Variants in STKLD1 observed in about 807,000 individuals in gnomAD.
STKLD1 encodes serine/threonine kinase-like domain-containing protein STKLD1.
In STKLD1, 79 loss-of-function variants were observed where a neutral mutation model predicts 80.4. That is an observed-to-expected ratio of 0.98 (90% CI 0.82 to 1.19). STKLD1 has a LOEUF of 1.19. Among genes scored for constraint, STKLD1 ranks in the 50% most tolerant of loss-of-function variants. STKLD1 has a pLI of 0.00. For missense variants in STKLD1, 841 were observed against 856.0 expected (o/e 0.98, Z 0.22); for synonymous variants, 393 against 357.6 (o/e 1.10, Z -1.12).
chr9:133,405,660 G>T lies in STKLD1; in HGVS notation c.*239G>T. 1 of 409,064 alleles carries T rather than the reference G, an allele frequency of 2.4e-6. No homozygotes were observed. Among genetic ancestry groups the T allele is most frequent in the Non-Finnish European group, 4.3e-6 (1 of 231,964 alleles). The allele number at this position is 409,064 out of a possible 1,614,324, so 25.3% of individuals were successfully genotyped here. A position where few individuals can be genotyped will look rare whatever the true frequency, so the allele number is the denominator to read the frequency against. ...TGCCTGCTTCCTCCTTCCAGGAACT[G>T]GTTTCTTGCGCGGAAAAAGTGCTCT... On this transcript the variant is annotated 3_prime_UTR_variant, in exon 18 of 18. Transcript: ENST00000371957.
chr9:133,389,959 A>C lies in STKLD1; in HGVS notation c.467+363A>C, dbSNP rs2130285476. ...TGAGCCTTTGACCCCCAGCGGCACA[A>C]CTTTCAGGCTGGAGAATCCATGGTC... On this transcript the variant is annotated intron_variant, in intron 6 of 17. Transcript: ENST00000371957. The surrounding 1 kb of genome is among the most constrained non-coding windows in gnomAD (Gnocchi z 6.4). 3.9e-5 allele frequency among the ~76,000 whole-genome samples: 6 copies of C among 152,294 alleles called. No individual in the cohort carries two copies. The highest frequency in any genetic ancestry group is 1.4e-4 in the African/African-American group (6 of 41,570).
intron 2 of STKLD1, among the ~76,000 whole-genome samples, 176 bp from the exon 3 acceptor site, chr9:133,383,677 GTGA>G (rs1241464145): frequency 3.7e-5 from 5 of 134,758 alleles, no homozygotes; most frequent in African/African-American, 1.4e-4. Flanking sequence ...GATGGTGATG[GTGA>G]TGATGGTGAC....
chr9:133,383,247 T>TGATGGCAGTGATGATGAA (rs1838183499), intron 2 of STKLD1, among the ~76,000 whole-genome samples: 1 of 36,930 alleles, frequency 2.7e-5, no homozygotes, highest in Non-Finnish European at 5.9e-5. Flanking sequence ...ATGATGGTGA[T>TGATGGCAGTGATGATGAA]GGTGGTGGTG....
chr9:133,397,119 A>AG, intron 9 of STKLD1, 45 bp from the exon 10 acceptor site: 2 of 1,610,790 alleles, frequency 1.2e-6, no homozygotes, highest in Non-Finnish European at 1.7e-6. Context: ...GGGAGGTGGC[A>AG]GGGGGCGCTG....
rs1330675736 is a variant in STKLD1, at chr9:133,385,230, C to G, written c.220-387C>G. Reference sequence around the variant, plus strand: ...GCACTTTCCGCCAGGGCAGGGGCACCGGGACCTCTCCGTGTGCCCACCTCC... The same window carrying G: ...GCACTTTCCGCCAGGGCAGGGGCACGGGGACCTCTCCGTGTGCCCACCTCC... On this transcript the variant is annotated intron_variant, in intron 3 of 17. Transcript: ENST00000371957. The surrounding 1 kb of genome is among the most constrained non-coding windows in gnomAD (Gnocchi z 4.9). Among the ~76,000 whole-genome samples, 3 of 152,164 alleles carry G rather than the reference C, an allele frequency of 2.0e-5. No individual in the cohort carries two copies. The highest frequency in any genetic ancestry group is 4.4e-5 in the Non-Finnish European group (3 of 68,020).
chr9:133,401,709 C>T (rs781921916), intron 12 of STKLD1, 29 bp from the exon 13 acceptor site: 4 of 1,601,894 alleles, frequency 2.5e-6, no homozygotes, highest in Admixed American at 1.7e-5. Flanking sequence ...GTGGGGCTAA[C>T]CCCAGGCGTC....
chr9:133,395,954 G>A (rs893800667), intron 9 of STKLD1, 191 bp downstream of exon 9: 18 of 590,484 alleles, frequency 3.0e-5, no homozygotes, highest in African/African-American at 2.4e-4. Context: ...GAGTAATCCC[G>A]AATGTACGGT....
intron 9 of STKLD1, 95 bp from the exon 10 acceptor site, chr9:133,397,069 A>G (rs587598038): frequency 2.6e-6 from 4 of 1,562,612 alleles, no homozygotes; most frequent in Admixed American, 3.5e-5. Context: ...GTCCGCACCA[A>G]TGGGCAGCCC....
rs1838289857 is a variant in STKLD1, at chr9:133,387,446, G to C, written c.295-1G>C. The C allele has an allele frequency of 6.2e-7, 1 of 1,613,774 alleles. No individual in the cohort carries two copies. The highest frequency in any genetic ancestry group is 1.3e-5 in the African/African-American group (1 of 75,052). ...TGGCTAAGGGCCTCCTGTCCCAGCAGATCTCTTCTCTGTACCTCTGCCTGG... is the reference window on the plus strand; with the variant it reads ...TGGCTAAGGGCCTCCTGTCCCAGCACATCTCTTCTCTGTACCTCTGCCTGG... On this transcript the variant is annotated splice_acceptor_variant, in intron 4 of 17. Transcript: ENST00000371957. LOFTEE classifies it high-confidence loss of function.
intron 12 of STKLD1, among the ~76,000 whole-genome samples, chr9:133,400,751 G>A (rs1012477664): frequency 6.6e-6 from 1 of 152,210 alleles, no homozygotes; most frequent in Non-Finnish European, 1.5e-5. Context: ...CCACCTGGTT[G>A]GCATCTAACC....
In STKLD1 at chr9:133,384,256, T is replaced by C; in HGVS notation, c.219+356T>C. ...GAGTTCAAGACCAGCCTAGCCAACA[T>C]GGGGAAACCCTGTCTCAACCAAAAA... is the stretch of plus-strand genomic sequence containing the variant. On this transcript the variant is annotated intron_variant, in intron 3 of 17. Coordinates refer to ENST00000371957, the MANE Select transcript of STKLD1 (RefSeq NM_153710.5). This position sits in a 1 kb window ranked among gnomAD's most constrained non-coding sequence, Gnocchi z 4.3. The C allele has an allele frequency of 4.9e-6, 1 of 204,840 alleles. No homozygotes were observed. The highest frequency in any genetic ancestry group is 5.4e-5 in the Admixed American group (1 of 18,608). 12.7% of individuals were successfully genotyped at this position (204,840 alleles called of 1,614,324 possible). A position where few individuals can be genotyped will look rare whatever the true frequency, so the allele number is the denominator to read the frequency against.
At chr9:133,376,597 T>TG in intron 1 of STKLD1, 37 bp downstream of exon 1, 1 of 1,532,680 alleles carries the variant, frequency 6.5e-7, no homozygotes, top group Non-Finnish European at 8.8e-7. Flanking sequence ...GGGAGCTCCG[T>TG]GGGGTAACGG....
chr9:133,388,770 C>T (rs1291757919), intron 5 of STKLD1: 1 of 985,300 alleles, frequency 1.0e-6, no homozygotes, highest in East Asian at 1.1e-4. Flanking sequence ...TGCTTTTACC[C>T]TGAGAACTGT....
At chr9:133,380,181 A>G (rs1402600537) in intron 2 of STKLD1, among the ~76,000 whole-genome samples, 1 of 152,096 alleles carries the variant, frequency 6.6e-6, no homozygotes. Context: ...GACTACAGGC[A>G]CACGCTGCCA....
Position 133,405,494 on chromosome 9 carries a change from C to T in STKLD1, c.*73C>T. ...ACTGCTCTCCTGCCTGCCTATTATC[C>T]CATCTCTATGACTGGGCCAAAATCA... On this transcript the variant is annotated 3_prime_UTR_variant, in exon 18 of 18. Coordinates refer to ENST00000371957, the MANE Select transcript of STKLD1 (RefSeq NM_153710.5). The T allele has an allele frequency of 2.7e-6, 4 of 1,464,264 alleles. No individual in the cohort carries two copies. The South Asian group carries it at 5.3e-5, about 19-fold the overall frequency. 90.7% of individuals were successfully genotyped at this position (1,464,264 alleles called of 1,614,324 possible).
rs200615951 is a variant in STKLD1, at chr9:133,401,911, C to G, written c.1339+33C>G. 2.5e-6 allele frequency: 4 copies of G among 1,608,778 alleles called. No individual in the cohort carries two copies. The East Asian group carries it at 8.9e-5, about 36-fold the overall frequency. On this transcript the variant is annotated intron_variant, in intron 13 of 17. Transcript: ENST00000371957. Reference sequence around the variant, plus strand: ...TGCCAGCCACCTCCTGCCCCACCCACGCTCCAGGACAGCCCTTCCCAGGGG... The same window carrying G: ...TGCCAGCCACCTCCTGCCCCACCCAGGCTCCAGGACAGCCCTTCCCAGGGG...
chr9:133,378,903 G>A (rs1838068218), intron 1 of STKLD1, 133 bp from the exon 2 acceptor site: 2 of 699,912 alleles, frequency 2.9e-6, no homozygotes, highest in Admixed American at 2.9e-5. Flanking sequence ...TCTATTGCAA[G>A]ATGGGGTGGA....
chr9:133,376,575 C>T lies in STKLD1; in HGVS notation c.87+15C>T, dbSNP rs182135120. 1.3e-6 allele frequency: 2 copies of T among 1,575,766 alleles called. No individual in the cohort carries two copies. Among genetic ancestry groups the T allele is most frequent in the Non-Finnish European group, 1.7e-6 (2 of 1,164,126 alleles). ...AGAAGTACCAGGTGCCGAGTGTTCC[C>T]TGCGGGGAGGCGGGAGCTCCGTGGG... On this transcript the variant is annotated intron_variant, in intron 1 of 17. Coordinates refer to ENST00000371957, the MANE Select transcript of STKLD1 (RefSeq NM_153710.5).
Position 133,389,020 on chromosome 9 carries a change from C to T in STKLD1, c.397-506C>T. 1.0e-6 allele frequency: 1 copy of T among 985,432 alleles called. No homozygotes were observed. The highest frequency in any genetic ancestry group is 1.2e-6 in the Non-Finnish European group (1 of 829,916). The allele number at this position is 985,432 out of a possible 1,614,324, so 61.0% of individuals were successfully genotyped here. ...TGACACCCCAGGGTGGCCCTGAATC[C>T]AGGGGCCCTAGGAGCCCAGCTTTAG... On this transcript the variant is annotated intron_variant, in intron 5 of 17. Transcript: ENST00000371957. This position sits in a 1 kb window ranked among gnomAD's most constrained non-coding sequence, Gnocchi z 6.4.
Sources: allele counts gnomAD v4.1 joint callset (sites outside exome capture counted in the v4.1 genomes callset), GRCh38; gene constraint gnomAD v4.1.1; non-coding constraint Gnocchi (gnomAD v3.1); transcripts MANE v1.5; gene names NCBI Gene and HGNC (gene_info 2026-07-23, HGNC 2026-07-21).